The following PCDHGB3 variants were observed in gnomAD, a reference collection of about 807,000 sequenced individuals.
PCDHGB3 encodes the protein protocadherin gamma subfamily B, 3, also known as protocadherin gamma-B3.
Under a neutral mutation model 59.2 loss-of-function variants are expected in PCDHGB3, and 40 were observed. The observed-to-expected ratio is 0.68, with a 90% CI of 0.52 to 0.88. The LOEUF (loss-of-function observed/expected upper bound fraction) is 0.88. PCDHGB3 is among the 40% of genes least tolerant of loss of function. The probability of loss-of-function intolerance (pLI) is 0.00; values close to 1 mark genes in which losing one functional copy is unlikely to be tolerated. For synonymous variants in PCDHGB3, 581 were observed against 503.6 expected (o/e 1.15, Z -2.06); for missense variants, 1,309 against 1,187.9 (o/e 1.10, Z -1.50).
At chr5:141,453,451 T>C (rs1052905667) in intron 1 of PCDHGB3, among the ~76,000 whole-genome samples, 1 of 152,096 alleles carries the variant, frequency 6.6e-6, no homozygotes, top group Non-Finnish European at 1.5e-5. Flanking sequence ...TTTTTGAATA[T>C]GTAAAACATT....
chr5:141,486,654 T>C lies in PCDHGB3; in HGVS notation c.2416-8153T>C. ...TTGAATGCGCTTATCTCCTACTCAC[T>C]CCTGGAGCCCAGGAATCGAGATGTA... is the stretch of plus-strand genomic sequence containing the variant. On this transcript the variant is annotated intron_variant, in intron 1 of 3. Coordinates refer to ENST00000576222, the MANE Select transcript of PCDHGB3 (RefSeq NM_018924.5). The surrounding 1 kb of genome is among the most constrained non-coding windows in gnomAD (Gnocchi z 5.0). The C allele has an allele frequency of 2.5e-6, 4 of 1,613,922 alleles. No individual in the cohort carries two copies. Among genetic ancestry groups the C allele is most frequent in the Non-Finnish European group, 3.4e-6 (4 of 1,180,026 alleles).
chr5:141,414,778 C>T (rs1346896593), intron 1 of PCDHGB3: 12 of 1,614,202 alleles, frequency 7.4e-6, no homozygotes, highest in Non-Finnish European at 1.0e-5. Context: ...GCTACAGATG[C>T]AGGTGACAGC....
intron 1 of PCDHGB3, chr5:141,377,824 A>G (rs1774374957): frequency 6.6e-6 from 1 of 152,212 alleles, no homozygotes; most frequent in Admixed American, 6.5e-5. Context: ...TGGGCCAGTT[A>G]CAATCGCCAT....
At chr5:141,382,649 T>C (rs1778342764) in intron 1 of PCDHGB3, 5 of 404,024 alleles carry the variant, frequency 1.2e-5, no homozygotes, top group Admixed American at 8.0e-5. Flanking sequence ...AGTAACTTAG[T>C]AAGGACTCAC....
At position 141,477,984 on chromosome 5, in the gene PCDHGB3, T is replaced by A; in HGVS notation, c.2416-16823T>A. On this transcript the variant is annotated intron_variant, in intron 1 of 3. Coordinates refer to ENST00000576222, the MANE Select transcript of PCDHGB3 (RefSeq NM_018924.5). This position sits in a 1 kb window ranked among gnomAD's most constrained non-coding sequence, Gnocchi z 4.9. ...AACCAGAGCCTTTTTGCCATAGGGC[T>A]GCACACTGGTCAAATCAGTACTGCC... 6.2e-7 allele frequency: 1 copy of A among 1,614,146 alleles called. No homozygotes were observed. The highest frequency in any genetic ancestry group is 8.5e-7 in the Non-Finnish European group (1 of 1,180,028).
Position 141,511,451 on chromosome 5 carries a change from A to G in PCDHGB3, c.*278A>G, listed in dbSNP as rs2099883797. On this transcript the variant is annotated 3_prime_UTR_variant, in exon 4 of 4. Coordinates refer to ENST00000576222, the MANE Select transcript of PCDHGB3 (RefSeq NM_018924.5). ...GGGGTTACTGTAGACACCAAGAACC[A>G]TTTGCCACACCCCGTTTAGTTACAG... is the stretch of plus-strand genomic sequence containing the variant. The G allele has an allele frequency of 4.9e-6, 3 of 606,372 alleles. No homozygotes were observed. Among genetic ancestry groups the G allele is most frequent in the Non-Finnish European group, 8.1e-6 (3 of 368,942 alleles). The allele number at this position is 606,372 out of a possible 1,614,324, so 37.6% of individuals were successfully genotyped here.
chr5:141,444,800 A>G (rs1294854513), intron 1 of PCDHGB3, among the ~76,000 whole-genome samples: 1 of 152,078 alleles, frequency 6.6e-6, no homozygotes, highest in East Asian at 1.9e-4. Flanking sequence ...CTATTCTTTT[A>G]CTAATAGCAC....
chr5:141,419,067 A>C (rs2096321794), intron 1 of PCDHGB3: 2 of 1,613,956 alleles, frequency 1.2e-6, no homozygotes, highest in African/African-American at 1.3e-5. Flanking sequence ...AATTACTACA[A>C]GCTAGTAACA....
Position 141,432,916 on chromosome 5 carries a change from G to A in PCDHGB3, c.2415+60107G>A, listed in dbSNP as rs1303459899. ...TGCTGGCGCTCAGGCTGCGGCGCTG[G>A]CACAAGTCACGCCTGCTGCAGGCTT... is the stretch of plus-strand genomic sequence containing the variant. On this transcript the variant is annotated intron_variant, in intron 1 of 3. Transcript: ENST00000576222. This position sits in a 1 kb window ranked among gnomAD's most constrained non-coding sequence, Gnocchi z 6.0. 1.2e-6 allele frequency: 2 copies of A among 1,614,078 alleles called. No individual in the cohort carries two copies. The highest frequency in any genetic ancestry group is 1.7e-6 in the Non-Finnish European group (2 of 1,180,048).
At chr5:141,378,758 C>G (rs969501970) in intron 1 of PCDHGB3, 1 of 152,162 alleles carries the variant, frequency 6.6e-6, no homozygotes, top group Non-Finnish European at 1.5e-5. Flanking sequence ...AAGGGATTAT[C>G]ATTTAGAAGA....
At chr5:141,475,145 C>T (rs1214674720) in intron 1 of PCDHGB3, among the ~76,000 whole-genome samples, 2 of 151,980 alleles carry the variant, frequency 1.3e-5, no homozygotes, top group Non-Finnish European at 1.5e-5. Flanking sequence ...AAATCTTCTC[C>T]GTCTTCTTCT....
intron 1 of PCDHGB3, chr5:141,414,893 C>T: frequency 6.2e-7 from 1 of 1,614,248 alleles, no homozygotes; most frequent in Non-Finnish European, 8.5e-7. Context: ...GCCCTCCCCA[C>T]AGACGGTTCC....
intron 1 of PCDHGB3, chr5:141,389,075 A>T: frequency 6.2e-7 from 1 of 1,614,066 alleles, no homozygotes; most frequent in Non-Finnish European, 8.5e-7. Context: ...CTTCTTCAAG[A>T]AACACGTATA....
At chr5:141,484,155 T>G (rs2099592564) in intron 1 of PCDHGB3, among the ~76,000 whole-genome samples, 1 of 152,224 alleles carries the variant, frequency 6.6e-6, no homozygotes, top group Non-Finnish European at 1.5e-5. Context: ...GTAGGCACAA[T>G]GCTGTTGGTA....
rs115281328 is a variant in PCDHGB3, at chr5:141,377,595, C to T, written c.2415+4786C>T. 1,339 of 144,106 alleles carry T rather than the reference C, an allele frequency of 9.3e-3. 18 individuals are homozygous for T. Among genetic ancestry groups the T allele is most frequent in the African/African-American group, 0.033 (1,264 of 38,356 alleles). 8.9% of individuals were successfully genotyped at this position (144,106 alleles called of 1,614,324 possible). The stretch of plus-strand genomic sequence containing the variant: ...TGGGAGACAGAATGAGACTTTTTCT[C>T]TCTCTCTCTCAAAAAAAAAAAAAGA... On this transcript the variant is annotated intron_variant, in intron 1 of 3. Coordinates refer to ENST00000576222, the MANE Select transcript of PCDHGB3 (RefSeq NM_018924.5).
chr5:141,383,766 A>G (rs1265444749), intron 1 of PCDHGB3: 6 of 1,613,894 alleles, frequency 3.7e-6, no homozygotes, highest in Non-Finnish European at 5.1e-6. Context: ...CTAAACTTCC[A>G]AAGATGTTTC....
chr5:141,370,483 C>T lies in PCDHGB3; in HGVS notation c.89C>T (p.Ser30Phe). The change falls in exon 1 of 4, where the codon TCC becomes TTC. Residue 30 changes from serine to phenylalanine, a missense_variant. Ser to Phe is a radical substitution (Grantham distance 155, BLOSUM62 -2). Coordinates refer to ENST00000576222, the MANE Select transcript of PCDHGB3 (RefSeq NM_018924.5). ...CTCTCTTTGTTAGACCAGGCTCTCT[C>T]CGAACCGATCCGCTACGCTATTCCC... is the stretch of plus-strand genomic sequence containing the variant. ...FLLSLLDQALSEPIRYAIPEE... is the reference protein window; with the variant it reads ...FLLSLLDQALFEPIRYAIPEE... The T allele has an allele frequency of 6.2e-7, 1 of 1,613,876 alleles. No individual in the cohort carries two copies. The highest frequency in any genetic ancestry group is 2.2e-5 in the East Asian group (1 of 44,878).
Position 141,393,407 on chromosome 5 carries a change from C to T in PCDHGB3, c.2415+20598C>T, listed in dbSNP as rs766086453. ...TAAACCCAGAGCTGGTGCTGGAGCG[C>T]GCCCTGGACAGGGAGGAAGAGGCTG... On this transcript the variant is annotated intron_variant, in intron 1 of 3. Transcript: ENST00000576222. 3.1e-6 allele frequency: 5 copies of T among 1,614,056 alleles called. No individual in the cohort carries two copies. In the South Asian group the frequency reaches 5.5e-5, roughly 18 times the overall value.
chr5:141,380,273 G>A (rs1174536963), intron 1 of PCDHGB3, among the ~76,000 whole-genome samples: 1 of 152,076 alleles, frequency 6.6e-6, no homozygotes, highest in Admixed American at 6.6e-5. Context: ...AAATCTCAGA[G>A]GAGAAACATT....
Sources: gnomAD v4.1 joint callset for allele counts (sites outside exome capture counted in the v4.1 genomes callset) on GRCh38, gnomAD v4.1.1 for gene constraint, Gnocchi (gnomAD v3.1) non-coding constraint, MANE v1.5 for transcripts, NCBI Gene and HGNC (gene_info 2026-07-23, HGNC 2026-07-21) for gene names.